KIF18B: variants seen among roughly 807,000 people sequenced by gnomAD.
The protein encoded by KIF18B is kinesin-like protein KIF18B.
Under a neutral mutation model 80.9 loss-of-function variants are expected in KIF18B, and 49 were observed. That is an observed-to-expected ratio of 0.61 (90% CI 0.48 to 0.77). The LOEUF (loss-of-function observed/expected upper bound fraction) is 0.77. KIF18B is among the 30% of genes least tolerant of loss of function. The probability of loss-of-function intolerance (pLI) is 0.00; values close to 1 mark genes in which losing one functional copy is unlikely to be tolerated. For missense variants in KIF18B, 994 were observed against 1,127.7 expected (o/e 0.88, Z 1.70); for synonymous variants, 439 against 463.9 (o/e 0.95, Z 0.69).
At chr17:44,947,242 T>C (rs72828824) in intron 1 of KIF18B, among the ~76,000 whole-genome samples, 16,410 of 147,794 alleles carry the variant, frequency 0.11, 1,102 homozygotes, top group Admixed American at 0.2. Context: ...ATGCAGGGAG[T>C]CCCAGGCCTT....
At chr17:44,928,749 CCCT>C (rs2052084777) in intron 12 of KIF18B, 67 bp downstream of exon 12, 1 of 1,512,732 alleles carries the variant, frequency 6.6e-7, no homozygotes, top group African/African-American at 1.4e-5. Context: ...CCCTGGACAC[CCCT>C]TGGCCCCAGT....
At chr17:44,940,336 T>C (rs75467187) in intron 1 of KIF18B, among the ~76,000 whole-genome samples, 2 of 152,240 alleles carry the variant, frequency 1.3e-5, no homozygotes, top group Non-Finnish European at 2.9e-5. Flanking sequence ...GAATGGGTGT[T>C]GAATTTTATC....
intron 1 of KIF18B, among the ~76,000 whole-genome samples, chr17:44,944,908 C>A (rs2052483885): frequency 6.6e-6 from 1 of 152,020 alleles, no homozygotes; most frequent in Admixed American, 6.6e-5. Flanking sequence ...GAAGTATGTC[C>A]CTATTTTTGC....
At chr17:44,928,624 C>G (rs945916845) in intron 12 of KIF18B, 46 bp from the exon 13 acceptor site, 1 of 1,440,158 alleles carries the variant, frequency 6.9e-7, no homozygotes, top group African/African-American at 1.4e-5. Flanking sequence ...GAGCCAGACA[C>G]TGGAGACATG....
At position 44,932,152 on chromosome 17, in the gene KIF18B, A is replaced by C. The variant is rs2052167586; in HGVS notation, c.1293T>G (p.Ser431Arg). The C allele has an allele frequency of 6.2e-7, 1 of 1,612,982 alleles. No individual in the cohort carries two copies. Among genetic ancestry groups the C allele is most frequent in the Non-Finnish European group, 8.5e-7 (1 of 1,179,616 alleles). Residue 431 changes from serine (S) to arginine (R), a missense_variant, in exon 10 of 16, where the codon AGT becomes AGG. Physicochemically the swap from Ser to Arg is moderately radical, Grantham distance 110. Transcript: ENST00000593135. ...TCTCCACCTGGGCCTCCATCCCCAG[A>C]CTCTCCTCTTGAAGGGCTCTAGGCC... ...PAGPRALQEE[S>R]LGMEAQVERA...
At chr17:44,938,552 T>G (rs1194337625) in intron 1 of KIF18B, among the ~76,000 whole-genome samples, 1 of 152,214 alleles carries the variant, frequency 6.6e-6, no homozygotes, top group African/African-American at 2.4e-5. Context: ...TATATTTCTA[T>G]CTAATATTTT....
intron 1 of KIF18B, among the ~76,000 whole-genome samples, chr17:44,942,083 C>T (rs2052431942): frequency 6.6e-6 from 1 of 152,106 alleles, no homozygotes; most frequent in Non-Finnish European, 1.5e-5. Flanking sequence ...AGGTCAATGT[C>T]GCATCAGCTT....
At position 44,926,014 on chromosome 17, in the gene KIF18B, C is replaced by A; in HGVS notation, c.*66G>T. 2.5e-6 allele frequency: 4 copies of A among 1,577,396 alleles called. No homozygotes were observed. The highest frequency in any genetic ancestry group is 1.1e-5 in the South Asian group (1 of 89,962). On this transcript the variant is annotated 3_prime_UTR_variant, in exon 16 of 16. Coordinates refer to ENST00000593135, the MANE Select transcript of KIF18B (RefSeq NM_001265577.2). ...CTCCTGGTGCAGGTGGCTACAGGTC[C>A]AAGAGGGGTATCCAGCAGAGGGGCC...
Position 44,927,927 on chromosome 17 carries a change from G to T in KIF18B, c.2276+99C>A. The T allele has an allele frequency of 1.8e-6, 2 of 1,096,040 alleles. No homozygotes were observed. The highest frequency in any genetic ancestry group is 2.5e-6 in the Non-Finnish European group (2 of 793,056). 67.9% of individuals were successfully genotyped at this position (1,096,040 alleles called of 1,614,324 possible). On this transcript the variant is annotated intron_variant, in intron 13 of 15. Transcript: ENST00000593135. This position sits in a 1 kb window ranked among gnomAD's most constrained non-coding sequence, Gnocchi z 4.1. Reference sequence around the variant, plus strand: ...AGTGGAACAGATAGGAACCGTCCCAGCTCCAAGGCTGTCCTCCATACTTCT... The same window carrying T: ...AGTGGAACAGATAGGAACCGTCCCATCTCCAAGGCTGTCCTCCATACTTCT...
intron 9 of KIF18B, 115 bp downstream of exon 9, chr17:44,932,558 T>C (rs2052179758): frequency 4.2e-6 from 3 of 717,416 alleles, no homozygotes; most frequent in Non-Finnish European, 4.9e-6. Flanking sequence ...CCCTTAACCC[T>C]AGGGATTGGA....
chr17:44,940,531 C>T (rs1367665896), intron 1 of KIF18B, among the ~76,000 whole-genome samples: 1 of 152,140 alleles, frequency 6.6e-6, no homozygotes, highest in Non-Finnish European at 1.5e-5. Context: ...TTCGAAACAG[C>T]GTACCAAAGG....
chr17:44,927,002 T>G lies in KIF18B; in HGVS notation c.2353A>C (p.Lys785Gln). ...SLPGTSACKK[K>Q]RVASSSVSHG... ...CCCAAACCTCACCTCGCAACGCGCT[T>G]CTTCTTGCAGGCAGAGGTCCCAGGG... The change falls in exon 14 of 16, where the codon AAG becomes CAG. Residue 785 changes from lysine to glutamine, a missense_variant. Lys to Gln is a moderately conservative substitution (Grantham distance 53, BLOSUM62 1). Coordinates refer to ENST00000593135, the MANE Select transcript of KIF18B (RefSeq NM_001265577.2). This position sits in a 1 kb window ranked among gnomAD's most constrained non-coding sequence, Gnocchi z 4.1. 6.2e-7 allele frequency: 1 copy of G among 1,611,330 alleles called. No homozygotes were observed. Among genetic ancestry groups the G allele is most frequent in the South Asian group, 1.1e-5 (1 of 90,160 alleles).
At chr17:44,930,452 A>G (rs2052122248) in intron 11 of KIF18B, among the ~76,000 whole-genome samples, 1 of 152,238 alleles carries the variant, frequency 6.6e-6, no homozygotes, top group Non-Finnish European at 1.5e-5. Flanking sequence ...ATAAAAAAAA[A>G]TCTGAAAAAC....
At chr17:44,947,408 G>T (rs56986638) in intron 1 of KIF18B, among the ~76,000 whole-genome samples, 30,278 of 152,158 alleles carry the variant, frequency 0.2, 3,363 homozygotes, top group African/African-American at 0.3. Context: ...CCACCCGTAC[G>T]GGTGTGTAAG....
At chr17:44,947,113 C>CAA (rs57955845) in intron 1 of KIF18B, among the ~76,000 whole-genome samples, 3,162 of 53,946 alleles carry the variant, frequency 0.059, 210 homozygotes, top group Non-Finnish European at 0.088. Flanking sequence ...ACTCCATCTC[C>CAA]AAAAAAAAAA....
Position 44,936,068 on chromosome 17 carries a change from C to T in KIF18B, c.277G>A (p.Val93Ile), listed in dbSNP as rs201768388. The T allele has an allele frequency of 2.6e-4, 414 of 1,613,784 alleles. 1 individual carries two copies. The African/African-American group carries it at 3.9e-3, about 15-fold the overall frequency. The change falls in exon 2 of 16, where the codon GTC becomes ATC. Residue 93 changes from valine (V) to isoleucine (I), a missense_variant. Physicochemically the swap from Val to Ile is conservative, Grantham distance 29. Transcript: ENST00000593135. ...QDVFQHTTHSVLDSFLQGYNC... is the reference protein window; with the variant it reads ...QDVFQHTTHSILDSFLQGYNC... ...TAGCCCTGGAGGAAGCTGTCCAGGA[C>T]GCTGTGCGTGGTGTGCTGGAACACG...
chr17:44,939,378 A>G (rs1392927040), intron 1 of KIF18B, among the ~76,000 whole-genome samples: 1 of 150,176 alleles, frequency 6.7e-6, no homozygotes, highest in Non-Finnish European at 1.5e-5. Context: ...AAAAAAAAAA[A>G]AAAAAAAAAA....
chr17:44,928,808 A>T lies in KIF18B; in HGVS notation c.1723+11T>A. 1 of 1,612,592 alleles carries T rather than the reference A, an allele frequency of 6.2e-7. No individual in the cohort carries two copies. The highest frequency in any genetic ancestry group is 8.5e-7 in the Non-Finnish European group (1 of 1,179,256). ...TTGAAGACAGGCAGGGGAGAGCAGGATGAGACTCACTTGACTCTGAACACA... is the reference window on the plus strand; with the variant it reads ...TTGAAGACAGGCAGGGGAGAGCAGGTTGAGACTCACTTGACTCTGAACACA... On this transcript the variant is annotated intron_variant, in intron 12 of 15. Transcript: ENST00000593135.
At chr17:44,947,368 G>T (rs1290658201) in intron 1 of KIF18B, among the ~76,000 whole-genome samples, 1 of 152,174 alleles carries the variant, frequency 6.6e-6, no homozygotes, top group East Asian at 1.9e-4. Flanking sequence ...CCCAGTCTAG[G>T]TCCAGCATAG....
Sources: gnomAD v4.1 joint callset for allele counts (sites outside exome capture counted in the v4.1 genomes callset) on GRCh38, gnomAD v4.1.1 for gene constraint, Gnocchi (gnomAD v3.1) non-coding constraint, MANE v1.5 for transcripts, NCBI Gene and HGNC (gene_info 2026-07-23, HGNC 2026-07-21) for gene names.